The following NETO1 variants were observed in gnomAD, a reference collection of about 807,000 sequenced individuals.
The protein encoded by NETO1 is neuropilin and tolloid-like protein 1.
In NETO1, 26 loss-of-function variants were observed where a neutral mutation model predicts 61.3. The ratio of observed to expected loss-of-function variants is 0.42; its 90% CI spans 0.31 to 0.59. The LOEUF (loss-of-function observed/expected upper bound fraction) is 0.59. NETO1 is among the 20% of genes least tolerant of loss of function. The pLI, the probability that NETO1 is intolerant of heterozygous loss-of-function variation, is 0.12. For synonymous variants in NETO1, 225 were observed against 225.8 expected, an observed-to-expected ratio of 1.00 and a Z score of 0.03; for missense variants, 531 against 662.8, an observed-to-expected ratio of 0.80 and a Z score of 2.18.
intron 4 of NETO1, chr18:72,834,604 T>C (rs1953658092): frequency 3.1e-6 from 3 of 983,432 alleles, no homozygotes; most frequent in East Asian, 1.1e-4. Flanking sequence ...CAAAGTCATG[T>C]TGGAGCTACA....
intron 4 of NETO1, among the ~76,000 whole-genome samples, chr18:72,811,688 C>T (rs1288050079): frequency 6.6e-6 from 1 of 152,060 alleles, no homozygotes; most frequent in Admixed American, 6.6e-5. Context: ...GCCCGTAGTC[C>T]CAGCTACTTG....
chr18:72,843,533 T>A (rs938929724), intron 4 of NETO1, among the ~76,000 whole-genome samples: 7 of 152,010 alleles, frequency 4.6e-5, no homozygotes, highest in Admixed American at 1.3e-4. Context: ...GGAAAAAAAA[T>A]GAACTACTAA....
intron 8 of NETO1, chr18:72,752,169 T>C (rs570659756): frequency 2.0e-5 from 3 of 152,242 alleles, no homozygotes; most frequent in South Asian, 4.1e-4. Context: ...GAGTAACAGC[T>C]AATGAGAGTC....
At chr18:72,769,205 A>G (rs1285495231) in intron 7 of NETO1, among the ~76,000 whole-genome samples, 1 of 152,160 alleles carries the variant, frequency 6.6e-6, no homozygotes, top group African/African-American at 2.4e-5. Context: ...ACCAAAGTGA[A>G]TTCAAGGGTG....
chr18:72,828,292 T>C (rs555475702), intron 4 of NETO1, among the ~76,000 whole-genome samples: 6 of 151,394 alleles, frequency 4.0e-5, no homozygotes, highest in South Asian at 2.1e-4. Context: ...TCCTGGGCAA[T>C]AGAAGAAGAC....
intron 7 of NETO1, among the ~76,000 whole-genome samples, chr18:72,768,292 T>C (rs1456731721): frequency 6.6e-6 from 1 of 152,150 alleles, no homozygotes; most frequent in Non-Finnish European, 1.5e-5. Context: ...AAATTCTTTA[T>C]ATAAAAGAAC....
intron 4 of NETO1, among the ~76,000 whole-genome samples, chr18:72,833,088 T>C (rs1381780834): frequency 6.6e-6 from 1 of 152,212 alleles, no homozygotes; most frequent in Non-Finnish European, 1.5e-5. Flanking sequence ...CTATTACTTT[T>C]GTGAATTCAA....
chr18:72,847,587 TTTTAGCCATA>T (rs1279119894), intron 4 of NETO1, among the ~76,000 whole-genome samples: 1 of 152,128 alleles, frequency 6.6e-6, no homozygotes, highest in Non-Finnish European at 1.5e-5. Context: ...TCTGTTGGGG[TTTTAGCCATA>T]TTTATGCATA....
In NETO1 at chr18:72,756,042, T is replaced by A; in HGVS notation, c.974A>T (p.His325Leu). 6.3e-7 allele frequency: 1 copy of A among 1,588,918 alleles called. No homozygotes were observed. Among genetic ancestry groups the A allele is most frequent in the Non-Finnish European group, 8.6e-7 (1 of 1,158,676 alleles). The change falls in exon 8 of 11, where the codon CAC becomes CTC. Residue 325 changes from histidine to leucine, a missense_variant. Transcript: ENST00000327305. ...CAGGCACTAATCATTACCTTTACAGTGATTTTCATCCCAAGGATACACACA... is the reference window on the plus strand; with the variant it reads ...CAGGCACTAATCATTACCTTTACAGAGATTTTCATCCCAAGGATACACACA... ...QNCVYPWDEN[H>L]CKEKRKTSLL...
chr18:72,748,369 CA>C, intron 10 of NETO1: 1 of 862,970 alleles, frequency 1.2e-6, no homozygotes, highest in African/African-American at 1.8e-5. Flanking sequence ...CAATCAAGAG[CA>C]AAAAGTAAAG....
At position 72,819,883 on chromosome 18, in the gene NETO1, T is replaced by A. The variant is rs149860997; in HGVS notation, c.470-25479A>T. Among the ~76,000 whole-genome samples, 766 of 152,304 alleles carry A rather than the reference T, an allele frequency of 5.0e-3. 8 individuals carry two copies. The highest frequency in any genetic ancestry group is 0.018 in the African/African-American group (745 of 41,584). ...GAAAAGAACCTCTAATTTCAGGATA[T>A]TACATTCAGACATTATATTAAGACC... On this transcript the variant is annotated intron_variant, in intron 4 of 10. Transcript: ENST00000327305.
intron 8 of NETO1, among the ~76,000 whole-genome samples, chr18:72,752,641 G>GAA (rs376182646): frequency 1.4e-5 from 2 of 147,512 alleles, no homozygotes; most frequent in Non-Finnish European, 3.0e-5. Flanking sequence ...GTATATATAG[G>GAA]AAAAAAAAAA....
At chr18:72,809,155 T>C (rs947048435) in intron 4 of NETO1, among the ~76,000 whole-genome samples, 6 of 152,126 alleles carry the variant, frequency 3.9e-5, no homozygotes, top group African/African-American at 1.2e-4. Flanking sequence ...ACCCACTTTT[T>C]ATAAAAGCCA....
intron 7 of NETO1, among the ~76,000 whole-genome samples, chr18:72,766,063 C>T (rs2071143570): frequency 6.6e-6 from 1 of 151,830 alleles, no homozygotes. Flanking sequence ...AAAAAGTAGA[C>T]TGGTGTGGTG....
At chr18:72,812,401 C>T (rs79022065) in intron 4 of NETO1, among the ~76,000 whole-genome samples, 206 of 148,530 alleles carry the variant, frequency 1.4e-3, no homozygotes, top group African/African-American at 5.0e-3. Context: ...CCAAAATTTA[C>T]ACAGTTATCT....
In NETO1 at chr18:72,844,840, T is replaced by C. The variant is rs113838215; in HGVS notation, c.469+13986A>G. ...GAAAGAATGTTTGATTGCAGTGCAC[T>C]TCACAAGGGTGTGATGGAGCTGTGG... On this transcript the variant is annotated intron_variant, in intron 4 of 10. Coordinates refer to ENST00000327305, the MANE Select transcript of NETO1 (RefSeq NM_138966.5). 1.8e-4 allele frequency among the ~76,000 whole-genome samples: 28 copies of C among 152,348 alleles called. 2 individuals carry two copies. Among genetic ancestry groups the C allele is most frequent in the African/African-American group, 6.7e-4 (28 of 41,574 alleles).
In NETO1 at chr18:72,864,817, T is replaced by C. The variant is rs2074684537; in HGVS notation, c.211A>G (p.Ile71Val). 6.2e-7 allele frequency: 1 copy of C among 1,613,834 alleles called. No individual in the cohort carries two copies. The highest frequency in any genetic ancestry group is 2.2e-5 in the East Asian group (1 of 44,874). The change falls in exon 3 of 11, where the codon ATC becomes GTC. Residue 71 changes from isoleucine (I) to valine (V), a missense_variant. Coordinates refer to ENST00000327305, the MANE Select transcript of NETO1 (RefSeq NM_138966.5). ...CACTGTCTCCCCTTACCTTCTATGATGTAGATGCATTCCCGGTCAGGGGGA... is the reference window on the plus strand; with the variant it reads ...CACTGTCTCCCCTTACCTTCTATGACGTAGATGCATTCCCGGTCAGGGGGA... The part of the protein sequence containing the change: ...KYPPDRECIY[I>V]IEAAPRQCIE...
chr18:72,840,661 G>T (rs866510741), intron 4 of NETO1, among the ~76,000 whole-genome samples: 1 of 151,860 alleles, frequency 6.6e-6, no homozygotes, highest in Non-Finnish European at 1.5e-5. Flanking sequence ...TAAAAAGAAA[G>T]AACTTCTTGG....
At chr18:72,832,750 T>G (rs888887483) in intron 4 of NETO1, among the ~76,000 whole-genome samples, 1 of 152,222 alleles carries the variant, frequency 6.6e-6, no homozygotes, top group Non-Finnish European at 1.5e-5. Flanking sequence ...TATGGTTGAT[T>G]ACAATTCACT....
Sources: gnomAD v4.1 joint callset for allele counts (sites outside exome capture counted in the v4.1 genomes callset) on GRCh38, gnomAD v4.1.1 for gene constraint, MANE v1.5 for transcripts, NCBI Gene and HGNC (gene_info 2026-07-23, HGNC 2026-07-21) for gene names.